Variants in CHD6 observed in about 807,000 individuals in gnomAD.
CHD6 encodes the protein ATP-dependent chromatin remodeler CHD6.
Under a neutral mutation model 276.9 loss-of-function variants are expected in CHD6, and 50 were observed. That is an observed-to-expected ratio of 0.18 (90% CI 0.14 to 0.23). The LOEUF is 0.23. Among genes scored for constraint, CHD6 ranks in the 10% least tolerant of loss-of-function variants. CHD6 has a pLI of 1.00. For missense variants in CHD6, 2,564 were observed against 3,365.8 expected (o/e 0.76, Z 5.89); for synonymous variants, 1,173 against 1,229.3 (o/e 0.95, Z 0.96).
chr20:41,453,593 A>C (rs2048305806), intron 20 of CHD6, among the ~76,000 whole-genome samples: 7 of 151,838 alleles, frequency 4.6e-5, no homozygotes, highest in Admixed American at 4.6e-4. Flanking sequence ...ACTCCTCCAC[A>C]CAGCCCAGAT....
chr20:41,559,147 G>GACACACACACACACACACAC (rs58169591), intron 1 of CHD6, among the ~76,000 whole-genome samples: 83 of 148,270 alleles, frequency 5.6e-4, no homozygotes, highest in Admixed American at 5.4e-4. Context: ...GCCTGTTCCT[G>GACACACACACACACACACAC]ACACACACAC....
In CHD6 at chr20:41,403,592, A is replaced by G. The variant is rs2046587988; in HGVS notation, c.*1001T>C. 1 of 1,063,038 alleles carries G rather than the reference A, an allele frequency of 9.4e-7. No individual in the cohort carries two copies. Among genetic ancestry groups the G allele is most frequent in the South Asian group, 4.6e-5 (1 of 21,978 alleles). 65.9% of individuals were successfully genotyped at this position (1,063,038 alleles called of 1,614,324 possible). On this transcript the variant is annotated 3_prime_UTR_variant, in exon 37 of 37. Transcript: ENST00000373233. ...CATTTGACAGCCTCAGACACTCTTG[A>G]TCAAAGGACCTACTAGCAAGTGTCA...
chr20:41,464,630 A>G (rs142097335), intron 17 of CHD6, among the ~76,000 whole-genome samples: 1 of 152,360 alleles, frequency 6.6e-6, no homozygotes, highest in East Asian at 1.9e-4. Flanking sequence ...GAATAAATAT[A>G]GCTGTGTGGT....
At position 41,422,375 on chromosome 20, in the gene CHD6, C is replaced by T. The variant is rs148977114; in HGVS notation, c.4556-296G>A. 3.3e-3 allele frequency among the ~76,000 whole-genome samples: 510 copies of T among 152,260 alleles called. 4 individuals are homozygous for T. Among genetic ancestry groups the T allele is most frequent in the African/African-American group, 0.011 (467 of 41,554 alleles). ...CCAGGCATAGTATAGTAGTAGTTCA[C>T]ACCTGTAATCCCAGCACTTTGAGAG... On this transcript the variant is annotated intron_variant, in intron 30 of 36. Coordinates refer to ENST00000373233, the MANE Select transcript of CHD6 (RefSeq NM_032221.5).
intron 1 of CHD6, among the ~76,000 whole-genome samples, chr20:41,560,920 C>G (rs2045294716): frequency 6.6e-6 from 1 of 151,628 alleles, no homozygotes; most frequent in Non-Finnish European, 1.5e-5. Context: ...TCAGCTGTTC[C>G]TTCTGCTCCT....
At chr20:41,449,868 A>G (rs1312046784) in intron 23 of CHD6, among the ~76,000 whole-genome samples, 2 of 152,188 alleles carry the variant, frequency 1.3e-5, no homozygotes, top group Admixed American at 1.3e-4. Flanking sequence ...TCCCCAGTGG[A>G]TAACCATTAT....
chr20:41,575,433 C>T (rs1245527752), intron 1 of CHD6, among the ~76,000 whole-genome samples: 1 of 152,022 alleles, frequency 6.6e-6, no homozygotes, highest in Non-Finnish European at 1.5e-5. Context: ...GAAAAGAAAC[C>T]TCAAGCTTTC....
chr20:41,549,341 T>C (rs1334052762), intron 2 of CHD6, among the ~76,000 whole-genome samples: 4 of 149,836 alleles, frequency 2.7e-5, no homozygotes, highest in South Asian at 2.1e-4. Flanking sequence ...ATGTCCTTTG[T>C]AGGGACATGG....
chr20:41,497,559 T>G, intron 7 of CHD6, 58 bp from the exon 8 acceptor site: 4 of 1,189,094 alleles, frequency 3.4e-6, no homozygotes, highest in Non-Finnish European at 5.1e-6. Context: ...GATCGAGCTT[T>G]AAGGTGTTCA....
chr20:41,477,337 C>G (rs1569120201), intron 16 of CHD6, among the ~76,000 whole-genome samples: 1 of 151,866 alleles, frequency 6.6e-6, no homozygotes, highest in Non-Finnish European at 1.5e-5. Flanking sequence ...ACTAGAAAGG[C>G]TAGACATTTA....
Position 41,416,639 on chromosome 20 carries a change from T to C in CHD6, c.6435A>G (p.Ala2145=). 6.2e-7 allele frequency: 1 copy of C among 1,613,952 alleles called. No individual in the cohort carries two copies. The highest frequency in any genetic ancestry group is 1.1e-5 in the South Asian group (1 of 91,070). ...CGCCGTTGCTGAAGCTGTGTTCTGC[T>C]GCTTCCGGCTCTGAGAGGCTGGTTC... ...GSRTSLSEPE[A]AEHSFSNGAA... is the part of the protein sequence containing the mutation. Residue 2145 remains alanine, a synonymous_variant, in exon 33 of 37, where the codon GCA becomes GCG. Coordinates refer to ENST00000373233, the MANE Select transcript of CHD6 (RefSeq NM_032221.5).
At chr20:41,579,809 A>G (rs2045517108) in intron 1 of CHD6, among the ~76,000 whole-genome samples, 1 of 152,198 alleles carries the variant, frequency 6.6e-6, no homozygotes, top group Admixed American at 6.5e-5. Flanking sequence ...TGATATATAT[A>G]TTTCTAAGAG....
In CHD6 at chr20:41,466,563, C is replaced by T. The variant is rs114633141; in HGVS notation, c.2664+6759G>A. Among the ~76,000 whole-genome samples, 35 of 152,234 alleles carry T rather than the reference C, an allele frequency of 2.3e-4. No homozygotes were observed. In the East Asian group the frequency reaches 6.4e-3, roughly 28 times the overall value. ...CTGGGAGGTTTGATGAATGATTCTGCAAATTAAGGAAGTGATCATGGTGAA... is the reference window on the plus strand; with the variant it reads ...CTGGGAGGTTTGATGAATGATTCTGTAAATTAAGGAAGTGATCATGGTGAA... On this transcript the variant is annotated intron_variant, in intron 17 of 36. Coordinates refer to ENST00000373233, the MANE Select transcript of CHD6 (RefSeq NM_032221.5).
At chr20:41,560,250 A>G (rs956253145) in intron 1 of CHD6, among the ~76,000 whole-genome samples, 1 of 152,194 alleles carries the variant, frequency 6.6e-6, no homozygotes, top group East Asian at 1.9e-4. Context: ...CATATTCCTC[A>G]TAACACAGAG....
In CHD6 at chr20:41,473,222, G is replaced by T; in HGVS notation, c.2664+100C>A. The T allele has an allele frequency of 8.9e-7, 1 of 1,117,958 alleles. No individual in the cohort carries two copies. The highest frequency in any genetic ancestry group is 1.3e-6 in the Non-Finnish European group (1 of 770,522). The allele number at this position is 1,117,958 out of a possible 1,614,324, so 69.3% of individuals were successfully genotyped here. A position where few individuals can be genotyped will look rare whatever the true frequency, so the allele number is the denominator to read the frequency against. On this transcript the variant is annotated intron_variant, in intron 17 of 36. Coordinates refer to ENST00000373233, the MANE Select transcript of CHD6 (RefSeq NM_032221.5). This position sits in a 1 kb window ranked among gnomAD's most constrained non-coding sequence, Gnocchi z 4.1. ...AGCCTGTCATCCAGCTGACACCATA[G>T]CATAGAGCATCACGGATGCTCTGTA...
chr20:41,564,085 C>T, intron 1 of CHD6: 1 of 779,160 alleles, frequency 1.3e-6, no homozygotes, highest in Non-Finnish European at 2.4e-6. Context: ...ATTTGATCTC[C>T]CTGGGTCTCA....
intron 27 of CHD6, among the ~76,000 whole-genome samples, chr20:41,432,160 C>CAAAAAAAAAAAAAAAAAAA (rs572447937): frequency 1.2e-4 from 7 of 58,974 alleles, no homozygotes; most frequent in Non-Finnish European, 2.7e-4. Flanking sequence ...AACTCCGTCT[C>CAAAAAAAAAAAAAAAAAAA]AAAAAAAAAA....
intron 1 of CHD6, among the ~76,000 whole-genome samples, chr20:41,570,588 T>C (rs906716197): frequency 4.1e-4 from 63 of 152,236 alleles, no homozygotes; most frequent in Non-Finnish European, 4.4e-5. Flanking sequence ...TACAAGGCAG[T>C]CATTCTAGAT....
At chr20:41,437,663 A>G (rs998048518) in intron 26 of CHD6, among the ~76,000 whole-genome samples, 2 of 152,260 alleles carry the variant, frequency 1.3e-5, no homozygotes, top group African/African-American at 4.8e-5. Context: ...CTTCCAAGTC[A>G]GCCGTCTGTA....
Sources: gnomAD v4.1 joint callset for allele counts (sites outside exome capture counted in the v4.1 genomes callset) on GRCh38, gnomAD v4.1.1 for gene constraint, Gnocchi (gnomAD v3.1) non-coding constraint, MANE v1.5 for transcripts, NCBI Gene and HGNC (gene_info 2026-07-23, HGNC 2026-07-21) for gene names.